Variants in PRR16 observed in about 807,000 individuals in gnomAD.
PRR16 encodes protein Largen.
In PRR16, 6 loss-of-function variants were observed where a neutral mutation model predicts 18.2. The observed-to-expected ratio is 0.33, with a 90% confidence interval of 0.18 to 0.65. The LOEUF is 0.65. PRR16 is among the 30% of genes least tolerant of loss of function. The pLI is 0.74. For missense variants in PRR16, 412 were observed against 376.6 expected, an observed-to-expected ratio of 1.09 and a Z score of -0.78; for synonymous variants, 151 against 147.8, an observed-to-expected ratio of 1.02 and a Z score of -0.16.
the PRR16 span, among the ~76,000 whole-genome samples, chr5:120,727,527 G>C: frequency 6.6e-6 from 1 of 152,090 alleles, no homozygotes; most frequent in Non-Finnish European, 1.5e-5. Flanking sequence ...TCACCCAGCA[G>C]ATACCCATTT....
chr5:120,660,587 A>G (rs182178396), intron 1 of PRR16, among the ~76,000 whole-genome samples: 10 of 152,074 alleles, frequency 6.6e-5, no homozygotes, highest in African/African-American at 2.4e-4. Context: ...CTTGTTTGAC[A>G]TATTTGCCTA....
At chr5:120,675,481 T>G (rs1311708959) in intron 1 of PRR16, among the ~76,000 whole-genome samples, 2 of 152,212 alleles carry the variant, frequency 1.3e-5, no homozygotes, top group Admixed American at 6.5e-5. Context: ...CTTCCACTTT[T>G]TCTGTATTCC....
chr5:120,584,589 T>C (rs1753378334), intron 1 of PRR16, among the ~76,000 whole-genome samples: 1 of 152,204 alleles, frequency 6.6e-6, no homozygotes, highest in South Asian at 2.1e-4. Context: ...TTTTCTAATT[T>C]GTTCTTAAAT....
intron 1 of PRR16, among the ~76,000 whole-genome samples, chr5:120,652,884 G>T (rs974924147): frequency 1.3e-5 from 2 of 151,804 alleles, no homozygotes; most frequent in South Asian, 2.1e-4. Flanking sequence ...AAAAATAGGG[G>T]AAACTGAGTG....
At chr5:120,742,675 T>G in the PRR16 span, among the ~76,000 whole-genome samples, 1 of 152,170 alleles carries the variant, frequency 6.6e-6, no homozygotes, top group Non-Finnish European at 1.5e-5. Flanking sequence ...CTGTATTTGT[T>G]TCTCCTTTCT....
At chr5:120,592,808 A>C (rs903263612) in intron 1 of PRR16, among the ~76,000 whole-genome samples, 1 of 152,134 alleles carries the variant, frequency 6.6e-6, no homozygotes. Context: ...TCCCCCATGT[A>C]ATGTTCCAAA....
the PRR16 span, among the ~76,000 whole-genome samples, chr5:120,753,997 AAT>A: frequency 9.1e-5 from 11 of 120,740 alleles, no homozygotes; most frequent in African/African-American, 2.6e-4. Flanking sequence ...TAACATATAT[AAT>A]ATATATATTA....
At chr5:120,547,907 A>G (rs1561540855) in intron 1 of PRR16, among the ~76,000 whole-genome samples, 1 of 152,064 alleles carries the variant, frequency 6.6e-6, no homozygotes, top group African/African-American at 2.4e-5. Context: ...CATGTTATTC[A>G]ATTTTCATAG....
intron 1 of PRR16, among the ~76,000 whole-genome samples, chr5:120,495,906 T>C (rs1028716603): frequency 1.3e-5 from 2 of 152,048 alleles, no homozygotes; most frequent in South Asian, 2.1e-4. Flanking sequence ...GTTTATTCTT[T>C]CACTGTTTAA....
intron 1 of PRR16, among the ~76,000 whole-genome samples, chr5:120,593,895 C>T (rs1753719410): frequency 6.6e-6 from 1 of 152,000 alleles, no homozygotes; most frequent in Non-Finnish European, 1.5e-5. Context: ...AAATTAAAGA[C>T]AGAAATCACA....
chr5:120,736,704 CT>C, the PRR16 span, among the ~76,000 whole-genome samples: 1 of 151,860 alleles, frequency 6.6e-6, no homozygotes, highest in Admixed American at 6.6e-5. Context: ...AATATTAAGT[CT>C]TTCAATCATC....
intron 1 of PRR16, among the ~76,000 whole-genome samples, chr5:120,582,296 C>A (rs576003072): frequency 6.6e-6 from 1 of 152,038 alleles, no homozygotes; most frequent in South Asian, 2.1e-4. Flanking sequence ...AAAGTGGAAT[C>A]TCTAAAAAGG....
chr5:120,793,283 T>G, the PRR16 span, among the ~76,000 whole-genome samples: 7 of 151,926 alleles, frequency 4.6e-5, no homozygotes, highest in African/African-American at 1.7e-4. Context: ...ATGTATCCAG[T>G]ACAACAAATG....
chr5:120,542,543 A>T (rs1450175616), intron 1 of PRR16, among the ~76,000 whole-genome samples: 1 of 152,260 alleles, frequency 6.6e-6, no homozygotes, highest in African/African-American at 2.4e-5. Flanking sequence ...ATGTTCTTCT[A>T]TTTCAGGACC....
chr5:120,561,406 T>C (rs1407023405), intron 1 of PRR16, among the ~76,000 whole-genome samples: 1 of 152,192 alleles, frequency 6.6e-6, no homozygotes, highest in African/African-American at 2.4e-5. Flanking sequence ...GTTTAATTTC[T>C]ATGTCTTTGT....
intron 1 of PRR16, among the ~76,000 whole-genome samples, chr5:120,663,559 T>A (rs1469081562): frequency 6.6e-6 from 1 of 152,202 alleles, no homozygotes; most frequent in Non-Finnish European, 1.5e-5. Context: ...TTGTTATTAC[T>A]TCCTAGAGAT....
At chr5:120,575,875 C>G (rs1373286349) in intron 1 of PRR16, among the ~76,000 whole-genome samples, 2 of 152,090 alleles carry the variant, frequency 1.3e-5, no homozygotes, top group African/African-American at 2.4e-5. Flanking sequence ...TGTTTGTAAA[C>G]ACATCTATAG....
the PRR16 span, among the ~76,000 whole-genome samples, chr5:120,762,799 A>G: frequency 5.9e-5 from 9 of 151,988 alleles, no homozygotes; most frequent in Non-Finnish European, 1.2e-4. Flanking sequence ...TCATTAGTCT[A>G]TTTCTGTTTT....
At chr5:120,510,286 C>G (rs1191047652) in intron 1 of PRR16, among the ~76,000 whole-genome samples, 1 of 152,072 alleles carries the variant, frequency 6.6e-6, no homozygotes, top group Non-Finnish European at 1.5e-5. Flanking sequence ...TCTCAGAAAG[C>G]TATTTAAATA....
Sources: allele counts gnomAD v4.1 joint callset (sites outside exome capture counted in the v4.1 genomes callset), GRCh38; gene constraint gnomAD v4.1.1; transcripts MANE v1.5; gene names NCBI Gene and HGNC (gene_info 2026-07-23, HGNC 2026-07-21).